The following RBPJ variants were observed in gnomAD, a reference collection of about 807,000 sequenced individuals.
RBPJ encodes the protein recombining binding protein suppressor of hairless.
In RBPJ, 9 loss-of-function variants were observed where a neutral mutation model predicts 67.8. The observed-to-expected ratio is 0.13, with a 90% CI of 0.08 to 0.23. The LOEUF (loss-of-function observed/expected upper bound fraction) is 0.23. Among genes scored for constraint, RBPJ ranks in the 10% least tolerant of loss-of-function variants. RBPJ has a pLI of 1.00. For missense variants in RBPJ, 305 were observed against 595.6 expected (o/e 0.51, Z 5.08); for synonymous variants, 198 against 203.3 (o/e 0.97, Z 0.22).
intron 1 of RBPJ, among the ~76,000 whole-genome samples, chr4:26,177,241 G>A (rs1483815931): frequency 6.6e-6 from 1 of 152,218 alleles, no homozygotes; most frequent in Non-Finnish European, 1.5e-5. Context: ...GAGGAGACAT[G>A]AGAGGGTGAA....
the RBPJ span, among the ~76,000 whole-genome samples, chr4:26,138,604 G>A: frequency 6.6e-6 from 1 of 152,190 alleles, no homozygotes; most frequent in East Asian, 1.9e-4. Context: ...CCAGAGAAAT[G>A]TCGCTGCTCT....
intron 1 of RBPJ, among the ~76,000 whole-genome samples, chr4:26,181,877 G>A (rs1372268442): frequency 6.6e-6 from 1 of 152,224 alleles, no homozygotes; most frequent in Non-Finnish European, 1.5e-5. Context: ...CAGTGAGTGA[G>A]TGAGTGGTGA....
At chr4:26,381,066 T>C (rs934847740) in intron 1 of RBPJ, among the ~76,000 whole-genome samples, 4 of 150,616 alleles carry the variant, frequency 2.7e-5, no homozygotes, top group Non-Finnish European at 4.4e-5. Context: ...TATTTTTCTG[T>C]ATTCAAGAAA....
At chr4:26,385,982 A>G (rs1730876624) in intron 1 of RBPJ, among the ~76,000 whole-genome samples, 1 of 151,948 alleles carries the variant, frequency 6.6e-6, no homozygotes, top group Admixed American at 6.6e-5. Flanking sequence ...GAATTATTTT[A>G]TAATGATTAC....
At chr4:26,322,650 T>C (rs553710388) in intron 1 of RBPJ, among the ~76,000 whole-genome samples, 40 of 134,106 alleles carry the variant, frequency 3.0e-4, no homozygotes, top group Non-Finnish European at 5.2e-4. Context: ...AGTATACGTA[T>C]AATATGTATA....
At chr4:26,294,069 T>G (rs1396841917) in intron 1 of RBPJ, among the ~76,000 whole-genome samples, 2 of 14,788 alleles carry the variant, frequency 1.4e-4, no homozygotes, top group Non-Finnish European at 2.6e-4. Context: ...GGAAGTTGTT[T>G]TTGTTTTTGT....
chr4:26,341,930 T>C, intron 1 of RBPJ, among the ~76,000 whole-genome samples: 1 of 152,130 alleles, frequency 6.6e-6, no homozygotes, highest in Non-Finnish European at 1.5e-5. Flanking sequence ...AGCTGGCTAG[T>C]CCAACATCCT....
Position 26,430,899 on chromosome 4 carries a change from A to G in RBPJ, c.1356A>G (p.Ser452=). The G allele has an allele frequency of 1.9e-6, 3 of 1,614,104 alleles. No homozygotes were observed. The highest frequency in any genetic ancestry group is 2.5e-6 in the Non-Finnish European group (3 of 1,180,016). ...SAAGAILRAN[S]SQVPPNESNT... Reference sequence around the variant, plus strand: ...CAGGAGCAATCCTTCGAGCCAATTCAAGCCAGGTGCCCCCTAACGAATCAA... The same window carrying G: ...CAGGAGCAATCCTTCGAGCCAATTCGAGCCAGGTGCCCCCTAACGAATCAA... Residue 452 remains serine (S), a synonymous_variant, in exon 11 of 11, where the codon TCA becomes TCG. Coordinates refer to ENST00000355476, the MANE Select transcript of RBPJ (RefSeq NM_015874.6). This position sits in a 1 kb window ranked among gnomAD's most constrained non-coding sequence, Gnocchi z 4.1.
chr4:26,417,305 G>T (rs1309473739), intron 4 of RBPJ, among the ~76,000 whole-genome samples: 1 of 152,090 alleles, frequency 6.6e-6, no homozygotes, highest in Non-Finnish European at 1.5e-5. Context: ...CTTGCCTTTC[G>T]CAGCATTGTG....
At chr4:26,277,232 A>C (rs1458331635) in intron 1 of RBPJ, among the ~76,000 whole-genome samples, 1 of 149,348 alleles carries the variant, frequency 6.7e-6, no homozygotes, top group African/African-American at 2.6e-5. Flanking sequence ...TGATCACACC[A>C]CTGCATTTCA....
At chr4:26,220,019 G>A (rs1445855033) in intron 1 of RBPJ, among the ~76,000 whole-genome samples, 3 of 151,794 alleles carry the variant, frequency 2.0e-5, no homozygotes, top group Non-Finnish European at 2.9e-5. Flanking sequence ...TGGTGACCTC[G>A]TGATCAGCCC....
At chr4:26,259,373 A>G (rs1720454076) in intron 1 of RBPJ, among the ~76,000 whole-genome samples, 1 of 152,194 alleles carries the variant, frequency 6.6e-6, no homozygotes, top group Admixed American at 6.5e-5. Context: ...GTCAACAAGA[A>G]AAAATGGCTT....
At chr4:26,328,190 C>T (rs1723853139) in intron 1 of RBPJ, among the ~76,000 whole-genome samples, 1 of 151,770 alleles carries the variant, frequency 6.6e-6, no homozygotes, top group African/African-American at 2.4e-5. Flanking sequence ...ATCCATACAC[C>T]ATTTGGAGTA....
At chr4:26,418,092 C>G (rs1052231677) in intron 4 of RBPJ, among the ~76,000 whole-genome samples, 10 of 152,152 alleles carry the variant, frequency 6.6e-5, no homozygotes, top group African/African-American at 2.4e-4. Flanking sequence ...ATCATATACT[C>G]TTGGTAACAT....
At chr4:26,392,604 A>G (rs1450005098) in intron 2 of RBPJ, among the ~76,000 whole-genome samples, 1 of 152,258 alleles carries the variant, frequency 6.6e-6, no homozygotes, top group Non-Finnish European at 1.5e-5. Flanking sequence ...ATAGAATTAT[A>G]AAAAATGCAA....
chr4:26,325,953 C>T (rs1207349630), intron 1 of RBPJ, among the ~76,000 whole-genome samples: 4 of 152,110 alleles, frequency 2.6e-5, no homozygotes, highest in Non-Finnish European at 5.9e-5. Context: ...CTCTTGGAAG[C>T]ATGATACTAA....
chr4:26,350,549 T>C (rs1351038481), intron 1 of RBPJ, among the ~76,000 whole-genome samples: 3 of 152,242 alleles, frequency 2.0e-5, no homozygotes, highest in Admixed American at 6.5e-5. Context: ...TTGAAAATTA[T>C]GACTTTAAAC....
chr4:26,387,985 T>C (rs924729634), intron 2 of RBPJ, among the ~76,000 whole-genome samples: 1 of 151,824 alleles, frequency 6.6e-6, no homozygotes, highest in Admixed American at 6.6e-5. Flanking sequence ...AGAACACAGC[T>C]CAAGAATACA....
At chr4:26,322,906 C>G (rs756815831) in intron 1 of RBPJ, 3 of 151,212 alleles carry the variant, frequency 2.0e-5, no homozygotes, top group Non-Finnish European at 4.4e-5. Flanking sequence ...AGGTATTCTT[C>G]AAGAGTTTGT....
Sources: gnomAD v4.1 joint callset for allele counts (sites outside exome capture counted in the v4.1 genomes callset) on GRCh38, gnomAD v4.1.1 for gene constraint, Gnocchi (gnomAD v3.1) non-coding constraint, MANE v1.5 for transcripts, NCBI Gene and HGNC (gene_info 2026-07-23, HGNC 2026-07-21) for gene names.